Variants in IGSF5 observed in about 807,000 individuals in gnomAD.
IGSF5 encodes the protein immunoglobulin superfamily 5 like.
A neutral mutation model predicts 39.4 loss-of-function variants in IGSF5; 41 were observed. The ratio of observed to expected loss-of-function variants is 1.04; its 90% CI spans 0.81 to 1.35. The LOEUF (loss-of-function observed/expected upper bound fraction) is 1.35, where lower values mean the gene tolerates loss of function less well. Ranked by LOEUF, IGSF5 falls within the 40% of genes most tolerant of loss-of-function variation. IGSF5 has a pLI of 0.00. For missense variants in IGSF5, 487 were observed against 494.6 expected (o/e 0.98, Z 0.15); for synonymous variants, 183 against 175.3 (o/e 1.04, Z -0.34).
chr21:39,791,865 G>A (rs894199869), intron 6 of IGSF5, 143 bp from the exon 7 acceptor site: 13 of 616,200 alleles, frequency 2.1e-5, no homozygotes, highest in Admixed American at 1.1e-4. Flanking sequence ...CAGCGGCAAA[G>A]CTATGGACTT....
chr21:39,722,726 G>C, the IGSF5 span, among the ~76,000 whole-genome samples: 1 of 151,914 alleles, frequency 6.6e-6, no homozygotes, highest in Non-Finnish European at 1.5e-5. Context: ...TCTGTCTTTT[G>C]TATGCTACCT....
intron 2 of IGSF5, among the ~76,000 whole-genome samples, chr21:39,763,587 G>T (rs1209134264): frequency 6.6e-6 from 1 of 152,162 alleles, no homozygotes; most frequent in Non-Finnish European, 1.5e-5. Flanking sequence ...CAAGGCACTG[G>T]AAGGAACTGG....
At chr21:39,722,710 G>A in the IGSF5 span, among the ~76,000 whole-genome samples, 7 of 152,066 alleles carry the variant, frequency 4.6e-5, no homozygotes, top group African/African-American at 1.2e-4. Flanking sequence ...TTATCTGTAT[G>A]CTACCTCTGT....
the IGSF5 span, among the ~76,000 whole-genome samples, chr21:39,713,295 G>A: frequency 6.6e-6 from 1 of 152,196 alleles, no homozygotes; most frequent in Non-Finnish European, 1.5e-5. Flanking sequence ...GCTCCATCAT[G>A]AGAATTATTT....
chr21:39,734,422 C>CA, the IGSF5 span, among the ~76,000 whole-genome samples: 11,639 of 96,150 alleles, frequency 0.12, 850 homozygotes, highest in Non-Finnish European at 0.13. Flanking sequence ...GACTCTGTCT[C>CA]AAAAAAAAAA....
At chr21:39,780,478 A>G (rs1601136208) in intron 5 of IGSF5, among the ~76,000 whole-genome samples, 2 of 152,316 alleles carry the variant, frequency 1.3e-5, no homozygotes, top group Admixed American at 6.5e-5. Context: ...TTTAGATGCT[A>G]TGGTTTTTTA....
chr21:39,754,709 A>C (rs1486965245), intron 2 of IGSF5, among the ~76,000 whole-genome samples: 1 of 152,240 alleles, frequency 6.6e-6, no homozygotes, highest in Non-Finnish European at 1.5e-5. Context: ...CAAGTCTGCT[A>C]TAATGAAATG....
chr21:39,789,237 G>A (rs1367627162), intron 6 of IGSF5, among the ~76,000 whole-genome samples: 2 of 152,206 alleles, frequency 1.3e-5, no homozygotes, highest in Non-Finnish European at 2.9e-5. Flanking sequence ...TGATTTGAAA[G>A]CACAGTAAAG....
chr21:39,721,673 C>CCCTTCCTTCCTTCCTTCCTTCCTT, the IGSF5 span, among the ~76,000 whole-genome samples: 7 of 140,832 alleles, frequency 5.0e-5, no homozygotes, highest in Non-Finnish European at 7.7e-5. Context: ...GGCCATCTGT[C>CCCTTCCTTCCTTCCTTCCTTCCTT]CCTTCCTTCC....
chr21:39,725,089 G>A, the IGSF5 span, among the ~76,000 whole-genome samples: 1 of 152,200 alleles, frequency 6.6e-6, no homozygotes, highest in African/African-American at 2.4e-5. Context: ...TCTGTTCTCT[G>A]CTAAATGTGC....
intron 7 of IGSF5, among the ~76,000 whole-genome samples, chr21:39,792,539 G>GT (rs5843977): frequency 0.4 from 60,328 of 151,854 alleles, 12,879 homozygotes; most frequent in Non-Finnish European, 0.5. Context: ...AAAAAAAATT[G>GT]TTTTTTCCCC....
the IGSF5 span, among the ~76,000 whole-genome samples, chr21:39,736,201 G>A: frequency 1.3e-5 from 2 of 151,976 alleles, no homozygotes; most frequent in South Asian, 2.1e-4. Context: ...CCCACTTAAT[G>A]CCTAAAATCT....
At chr21:39,737,347 C>G in the IGSF5 span, among the ~76,000 whole-genome samples, 1 of 152,166 alleles carries the variant, frequency 6.6e-6, no homozygotes, top group Non-Finnish European at 1.5e-5. Context: ...CTGCACTGGA[C>G]AGTGGCTGGG....
the IGSF5 span, among the ~76,000 whole-genome samples, chr21:39,728,182 G>C: frequency 9.9e-5 from 15 of 152,202 alleles, no homozygotes; most frequent in East Asian, 2.9e-3. Flanking sequence ...ATATGTTCAC[G>C]TCCCAACCCT....
At chr21:39,736,608 C>G in the IGSF5 span, among the ~76,000 whole-genome samples, 1 of 152,294 alleles carries the variant, frequency 6.6e-6, no homozygotes, top group African/African-American at 2.4e-5. Context: ...GGCTTCCTCT[C>G]TTGCCCCAGT....
At chr21:39,757,965 G>A (rs541008406) in intron 2 of IGSF5, among the ~76,000 whole-genome samples, 5 of 152,290 alleles carry the variant, frequency 3.3e-5, no homozygotes, top group South Asian at 2.1e-4. Flanking sequence ...CACCAGCTGC[G>A]GGGGGTGGAG....
At chr21:39,762,063 G>A (rs744568) in intron 2 of IGSF5, among the ~76,000 whole-genome samples, 122,889 of 152,126 alleles carry the variant, frequency 0.81, 49,806 homozygotes, top group Admixed American at 0.85. Context: ...GGCTCGAGAT[G>A]TGGATTTGAG....
chr21:39,730,887 T>A, the IGSF5 span, among the ~76,000 whole-genome samples: 1 of 152,348 alleles, frequency 6.6e-6, no homozygotes, highest in East Asian at 1.9e-4. Context: ...TAGTCACTAA[T>A]GGGAACTCCT....
intron 2 of IGSF5, among the ~76,000 whole-genome samples, chr21:39,747,198 A>G (rs765168445): frequency 2.7e-4 from 41 of 152,308 alleles, no homozygotes; most frequent in Non-Finnish European, 5.3e-4. Context: ...CGAAGGTGAA[A>G]GGCACTTCTT....
Sources: gnomAD v4.1 joint callset for allele counts (sites outside exome capture counted in the v4.1 genomes callset) on GRCh38, gnomAD v4.1.1 for gene constraint, MANE v1.5 for transcripts, NCBI Gene and HGNC (gene_info 2026-07-23, HGNC 2026-07-21) for gene names.